The following ABI2 variants were observed in gnomAD, a reference collection of about 807,000 sequenced individuals.
The protein encoded by ABI2 is abl interactor 2.
Under a neutral mutation model 59.2 loss-of-function variants are expected in ABI2, and 25 were observed. The ratio of observed to expected loss-of-function variants is 0.42; its 90% CI spans 0.31 to 0.59. ABI2 has a LOEUF of 0.59. ABI2 is among the 20% of genes least tolerant of loss of function. The pLI, the probability that ABI2 is intolerant of heterozygous loss-of-function variation, is 0.14. For synonymous variants in ABI2, 213 were observed against 235.5 expected, an observed-to-expected ratio of 0.90 and a Z score of 0.87; for missense variants, 545 against 681.8, an observed-to-expected ratio of 0.80 and a Z score of 2.23.
At chr2:203,356,631 A>G (rs1024600998) in intron 1 of ABI2, among the ~76,000 whole-genome samples, 16 of 152,138 alleles carry the variant, frequency 1.1e-4, no homozygotes, top group African/African-American at 3.6e-4. Flanking sequence ...TGGCCTCCGA[A>G]AGTGCTATGA....
chr2:203,359,584 G>GCAGA (rs925559050), intron 1 of ABI2, among the ~76,000 whole-genome samples: 2 of 152,162 alleles, frequency 1.3e-5, no homozygotes, highest in Admixed American at 1.3e-4. Flanking sequence ...GGGTAACTTA[G>GCAGA]CAGAGATTTA....
At position 203,428,789 on chromosome 2, in the gene ABI2, G is replaced by C. The variant is rs1270060501; in HGVS notation, c.*1437G>C. ...TTGGGCCAGCTCCTGTTCAGGTCCA[G>C]AGCTGCTAACGTGGGTTCTACTCAG... On this transcript the variant is annotated 3_prime_UTR_variant, in exon 12 of 12. Transcript: ENST00000261018. The C allele has an allele frequency of 6.6e-6, 1 of 152,248 alleles. No individual in the cohort carries two copies. Among genetic ancestry groups the C allele is most frequent in the East Asian group, 1.9e-4 (1 of 5,206 alleles). The allele number at this position is 152,248 out of a possible 1,614,324, so 9.4% of individuals were successfully genotyped here. A position where few individuals can be genotyped will look rare whatever the true frequency, so the allele number is the denominator to read the frequency against.
intron 1 of ABI2, among the ~76,000 whole-genome samples, chr2:203,335,689 A>G (rs1264253282): frequency 6.6e-6 from 1 of 152,214 alleles, no homozygotes; most frequent in East Asian, 1.9e-4. Flanking sequence ...TGCATAATTC[A>G]TGCAAGGAAC....
At chr2:203,380,131 C>G (rs1043485811) in intron 2 of ABI2, 77 bp from the exon 3 acceptor site, 1 of 857,130 alleles carries the variant, frequency 1.2e-6, no homozygotes, top group Non-Finnish European at 1.7e-6. Context: ...TATTAAATCT[C>G]TAGGCATATA....
intron 1 of ABI2, among the ~76,000 whole-genome samples, chr2:203,353,115 A>C (rs1297163103): frequency 6.6e-6 from 1 of 152,224 alleles, no homozygotes; most frequent in Non-Finnish European, 1.5e-5. Flanking sequence ...ATCCCTGTTA[A>C]GTGATGCATG....
chr2:203,407,320 AC>A (rs2097468546), intron 9 of ABI2, among the ~76,000 whole-genome samples: 1 of 152,338 alleles, frequency 6.6e-6, no homozygotes, highest in East Asian at 1.9e-4. Context: ...TGGGAAAAAA[AC>A]ATAAGCATCT....
At chr2:203,345,420 A>G (rs191378674) in intron 1 of ABI2, among the ~76,000 whole-genome samples, 26 of 152,280 alleles carry the variant, frequency 1.7e-4, no homozygotes, top group Non-Finnish European at 3.1e-4. Flanking sequence ...CCACGGGTTC[A>G]TTCTTGAAGT....
At chr2:203,408,277 T>A (rs2097517855) in intron 9 of ABI2, among the ~76,000 whole-genome samples, 1 of 151,808 alleles carries the variant, frequency 6.6e-6, no homozygotes, top group Non-Finnish European at 1.5e-5. Flanking sequence ...ATTCTCCTGG[T>A]TCAGCCTCCC....
chr2:203,339,137 C>T (rs924276864), intron 1 of ABI2, among the ~76,000 whole-genome samples: 2 of 150,660 alleles, frequency 1.3e-5, no homozygotes, highest in African/African-American at 2.5e-5. Flanking sequence ...CATCACTAAT[C>T]ATTAGGGAAA....
In ABI2 at chr2:203,366,886, A is replaced by C; in HGVS notation, c.127A>C (p.Lys43Gln). 1 of 1,560,828 alleles carries C rather than the reference A, an allele frequency of 6.4e-7. No individual in the cohort carries two copies. Residue 43 changes from lysine to glutamine, a missense_variant, in exon 2 of 12, where the codon AAG becomes CAG. Physicochemically the swap from Lys to Gln is moderately conservative, Grantham distance 53. This residue lies in a region of ABI2 where 55 missense variants were observed against 59.7 expected (regional missense o/e 0.92). Transcript: ENST00000261018. ...TTGTTTTTTTTCCCAGTCAGCAGAT[A>C]AGCAGAGAGCCCTAGAAGAAACCAA... ...CENNYIQSAD[K>Q]QRALEETKAY... is the part of the protein sequence containing the mutation.
chr2:203,413,369 T>C (rs1162345975), intron 10 of ABI2, among the ~76,000 whole-genome samples: 1 of 152,230 alleles, frequency 6.6e-6, no homozygotes, highest in Non-Finnish European at 1.5e-5. Flanking sequence ...AAATGTTTCA[T>C]GAACCAAACC....
intron 1 of ABI2, among the ~76,000 whole-genome samples, chr2:203,334,202 C>G (rs934024101): frequency 2.6e-5 from 4 of 152,052 alleles, no homozygotes; most frequent in Non-Finnish European, 5.9e-5. Flanking sequence ...TGGCCTTCCA[C>G]AGTGCTGGGA....
intron 8 of ABI2, among the ~76,000 whole-genome samples, chr2:203,398,789 A>G (rs934578782): frequency 4.4e-4 from 67 of 152,300 alleles, no homozygotes; most frequent in African/African-American, 1.1e-3. Context: ...AGTATAACAT[A>G]AATGAAAGCA....
At chr2:203,399,404 T>C (rs554840083) in intron 8 of ABI2, among the ~76,000 whole-genome samples, 2 of 152,356 alleles carry the variant, frequency 1.3e-5, no homozygotes, top group South Asian at 2.1e-4. Flanking sequence ...AGGGTTTTTT[T>C]CCTTATCATT....
At position 203,402,840 on chromosome 2, in the gene ABI2, A is replaced by G. The variant is rs1055147170; in HGVS notation, c.1192+106A>G. On this transcript the variant is annotated intron_variant, in intron 9 of 11. Coordinates refer to ENST00000261018, the MANE Select transcript of ABI2 (RefSeq NM_001375670.1). ...TAGTGCATGGTAGGTGGTTAGCACC[A>G]TTTGTTGAATGAATGGGAGAATGAA... 1.2e-5 allele frequency: 10 copies of G among 812,394 alleles called. No homozygotes were observed. The African/African-American group carries it at 1.8e-4, about 14-fold the overall frequency. 50.3% of individuals were successfully genotyped at this position (812,394 alleles called of 1,614,324 possible).
intron 1 of ABI2, chr2:203,355,139 C>A: frequency 2.7e-6 from 1 of 372,730 alleles, no homozygotes; most frequent in South Asian, 2.0e-5. Context: ...TTCTGGATCC[C>A]ATGCTTCTTT....
intron 11 of ABI2, 127 bp from the exon 12 acceptor site, chr2:203,427,050 G>T: frequency 2.7e-6 from 2 of 728,066 alleles, no homozygotes; most frequent in Non-Finnish European, 4.5e-6. Context: ...GTTTTGGTTG[G>T]TGTTTAGAAA....
chr2:203,391,119 C>T lies in ABI2; in HGVS notation c.554C>T (p.Pro185Leu). Residue 185 changes from proline to leucine, a missense_variant, in exon 5 of 12, where the codon CCT becomes CTT. Coordinates refer to ENST00000261018, the MANE Select transcript of ABI2 (RefSeq NM_001375670.1). ...TPPTQKPPSP[P>L]MSGKGTLGRH... ...CCAACTCAGAAGCCCCCTAGTCCCC[C>T]TATGTCAGGGAAAGGGACACTTGGG... is the stretch of plus-strand genomic sequence containing the variant. 6.2e-7 allele frequency: 1 copy of T among 1,613,306 alleles called. No homozygotes were observed. The highest frequency in any genetic ancestry group is 8.5e-7 in the Non-Finnish European group (1 of 1,179,646).
In ABI2 at chr2:203,428,167, C is replaced by G. The variant is rs2098455787; in HGVS notation, c.*815C>G. Reference sequence around the variant, plus strand: ...GGTGTGTGAAGCTAGACACGAAGGTCCCTAAGGTTCTGAAGAGACTTGAAC... The same window carrying G: ...GGTGTGTGAAGCTAGACACGAAGGTGCCTAAGGTTCTGAAGAGACTTGAAC... On this transcript the variant is annotated 3_prime_UTR_variant, in exon 12 of 12. Transcript: ENST00000261018. 6.6e-6 allele frequency: 1 copy of G among 152,468 alleles called. No homozygotes were observed. The highest frequency in any genetic ancestry group is 6.5e-5 in the Admixed American group (1 of 15,272). 9.4% of individuals were successfully genotyped at this position (152,468 alleles called of 1,614,324 possible).
Sources: allele counts gnomAD v4.1 joint callset (sites outside exome capture counted in the v4.1 genomes callset), GRCh38; gene constraint gnomAD v4.1.1; regional missense constraint gnomAD v4.1.1; transcripts MANE v1.5; gene names NCBI Gene and HGNC (gene_info 2026-07-23, HGNC 2026-07-21).